Variants in ABCC4 observed in about 807,000 individuals in gnomAD.
The protein encoded by ABCC4 is ATP-binding cassette sub-family C member 4.
A neutral mutation model predicts 168.5 loss-of-function variants in ABCC4; 102 were observed. The ratio of observed to expected loss-of-function variants is 0.61; its 90% CI spans 0.52 to 0.71. The LOEUF is 0.71. Ranked by LOEUF, ABCC4 falls within the 30% of genes least tolerant of loss-of-function variation. The probability of loss-of-function intolerance (pLI) is 0.00; values close to 1 mark genes in which losing one functional copy is unlikely to be tolerated. For missense variants in ABCC4, 1,402 were observed against 1,605.8 expected (o/e 0.87, Z 2.17); for synonymous variants, 617 against 590.7 (o/e 1.04, Z -0.65).
intron 27 of ABCC4, among the ~76,000 whole-genome samples, chr13:95,045,856 G>A (rs2032554712): frequency 6.6e-6 from 1 of 152,160 alleles, no homozygotes; most frequent in Non-Finnish European, 1.5e-5. Flanking sequence ...ACATTGTCAT[G>A]TACCTTAAAC....
At chr13:95,024,274 GA>G in intron 30 of ABCC4, among the ~76,000 whole-genome samples, 1 of 151,956 alleles carries the variant, frequency 6.6e-6, no homozygotes, top group East Asian at 1.9e-4. Context: ...GTCAAAAGGG[GA>G]TAATAACAGC....
chr13:95,286,699 G>A (rs948833904), intron 1 of ABCC4, among the ~76,000 whole-genome samples: 6 of 152,044 alleles, frequency 3.9e-5, no homozygotes, highest in Non-Finnish European at 5.9e-5. Flanking sequence ...GCTCACGCCT[G>A]TAATCCCAGG....
intron 20 of ABCC4, among the ~76,000 whole-genome samples, chr13:95,094,467 T>C (rs768690607): frequency 2.0e-5 from 3 of 152,128 alleles, no homozygotes; most frequent in Non-Finnish European, 2.9e-5. Flanking sequence ...GCTAGCCACA[T>C]GTAGGAGAAT....
At position 95,123,235 on chromosome 13, in the gene ABCC4, T is replaced by C. The variant is rs139196437; in HGVS notation, c.2456-7234A>G. On this transcript the variant is annotated intron_variant, in intron 19 of 30. Transcript: ENST00000645237. The stretch of plus-strand genomic sequence containing the variant: ...ACAATAATCTCCTACTTTGGACTCA[T>C]TCCTTTCCTGCTGCTCACCCATCAG... Among the ~76,000 whole-genome samples the C allele has an allele frequency of 5.3e-5, 8 of 152,336 alleles. No individual in the cohort carries two copies. The East Asian group carries it at 1.4e-3, about 26-fold the overall frequency.
At chr13:95,291,073 G>C (rs1233860428) in intron 1 of ABCC4, among the ~76,000 whole-genome samples, 1 of 151,438 alleles carries the variant, frequency 6.6e-6, no homozygotes, top group Non-Finnish European at 1.5e-5. Context: ...GACTGCCCAG[G>C]CTGGGCATGA....
At chr13:95,232,988 G>A (rs1192753421) in intron 4 of ABCC4, among the ~76,000 whole-genome samples, 1 of 152,124 alleles carries the variant, frequency 6.6e-6, no homozygotes, top group Non-Finnish European at 1.5e-5. Flanking sequence ...TGGCATCCCT[G>A]GACTCAACCA....
At chr13:95,298,446 C>T (rs1191979813) in intron 1 of ABCC4, among the ~76,000 whole-genome samples, 4 of 152,168 alleles carry the variant, frequency 2.6e-5, no homozygotes, top group Non-Finnish European at 4.4e-5. Context: ...ACCACCCCCA[C>T]CCACACACCC....
intron 20 of ABCC4, among the ~76,000 whole-genome samples, chr13:95,103,668 G>T (rs1019739550): frequency 6.6e-6 from 1 of 152,154 alleles, no homozygotes; most frequent in African/African-American, 2.4e-5. Flanking sequence ...GTCCTAAAGA[G>T]AAACTTGTCC....
At chr13:95,247,153 G>A (rs2040128270) in intron 2 of ABCC4, 58 bp from the exon 3 acceptor site, 1 of 1,556,818 alleles carries the variant, frequency 6.4e-7, no homozygotes, top group Non-Finnish European at 8.7e-7. Context: ...TATAAAACAG[G>A]GGAGATGGCA....
chr13:95,246,745 T>C (rs2040116121), intron 3 of ABCC4, among the ~76,000 whole-genome samples: 1 of 152,200 alleles, frequency 6.6e-6, no homozygotes, highest in African/African-American at 2.4e-5. Context: ...AGAAAAACAA[T>C]AATGACCTTG....
At chr13:95,152,584 T>C (rs146819121) in intron 19 of ABCC4, among the ~76,000 whole-genome samples, 82 of 152,322 alleles carry the variant, frequency 5.4e-4, no homozygotes, top group African/African-American at 1.8e-3. Flanking sequence ...AATGTAACTA[T>C]CATTTTCATA....
At chr13:95,071,911 T>C in intron 24 of ABCC4, 58 bp from the exon 25 acceptor site, 1 of 1,222,634 alleles carries the variant, frequency 8.2e-7, no homozygotes, top group Non-Finnish European at 1.1e-6. Context: ...TTATGGATGT[T>C]AAGAGACTGT....
chr13:95,231,808 G>A (rs1370991111), intron 4 of ABCC4, among the ~76,000 whole-genome samples: 1 of 152,156 alleles, frequency 6.6e-6, no homozygotes, highest in Admixed American at 6.6e-5. Flanking sequence ...CAAGTCTGCC[G>A]AGTTAGATCA....
At chr13:95,031,817 ATTATC>A (rs2031891279) in intron 30 of ABCC4, among the ~76,000 whole-genome samples, 1 of 152,198 alleles carries the variant, frequency 6.6e-6, no homozygotes, top group African/African-American at 2.4e-5. Context: ...GGTGAACTAT[ATTATC>A]TTATGTTAGT....
chr13:95,195,391 C>A (rs532030255), intron 8 of ABCC4, among the ~76,000 whole-genome samples: 2 of 152,204 alleles, frequency 1.3e-5, no homozygotes, highest in Non-Finnish European at 2.9e-5. Context: ...CCATTCCCAG[C>A]CTTCAGGAAG....
intron 30 of ABCC4, among the ~76,000 whole-genome samples, chr13:95,023,119 C>G (rs1351976906): frequency 6.6e-6 from 1 of 152,182 alleles, no homozygotes; most frequent in Non-Finnish European, 1.5e-5. Context: ...AAACTAAAAA[C>G]AGCCAAAAGA....
At chr13:95,153,533 G>A (rs1182643861) in intron 19 of ABCC4, among the ~76,000 whole-genome samples, 1 of 152,110 alleles carries the variant, frequency 6.6e-6, no homozygotes, top group Non-Finnish European at 1.5e-5. Context: ...TACACTATAG[G>A]AAAACAATTT....
intron 13 of ABCC4, among the ~76,000 whole-genome samples, chr13:95,172,422 T>G (rs558075646): frequency 6.6e-6 from 1 of 151,848 alleles, no homozygotes; most frequent in Non-Finnish European, 1.5e-5. Flanking sequence ...AATACAAAAA[T>G]TAGCTGGATG....
Position 95,177,775 on chromosome 13 carries a change from A to C in ABCC4, c.1659T>G (p.Ala553=). ...VNLARAVYQD[A]DIYLLDDPLS... is the part of the protein sequence containing the mutation. ...GAGGATCGTCCAGGAGATAGATGTC[A>C]GCATCTTGATACACTGCTCTAGAAA... The change falls in exon 13 of 31, where the codon GCT becomes GCG. Residue 553 remains alanine (A), a synonymous_variant. Transcript: ENST00000645237. 10 of 1,611,328 alleles carry C rather than the reference A, an allele frequency of 6.2e-6. No homozygotes were observed. The highest frequency in any genetic ancestry group is 8.5e-6 in the Non-Finnish European group (10 of 1,177,696).
Sources: gnomAD v4.1 joint callset for allele counts (sites outside exome capture counted in the v4.1 genomes callset) on GRCh38, gnomAD v4.1.1 for gene constraint, MANE v1.5 for transcripts, NCBI Gene and HGNC (gene_info 2026-07-23, HGNC 2026-07-21) for gene names.